Variants in ITGA8 observed in about 807,000 individuals in gnomAD.
ITGA8 encodes integrin subunit alpha 8.
ITGA8 carries 91 observed loss-of-function variants against 142.3 expected under a neutral mutation model. The observed-to-expected ratio is 0.64, with a 90% CI of 0.54 to 0.76. The LOEUF is 0.76. ITGA8 is among the 30% of genes least tolerant of loss of function. ITGA8 has a pLI of 0.00. For missense variants in ITGA8, 1,406 were observed against 1,327.7 expected (o/e 1.06, Z -0.92); for synonymous variants, 505 against 485.2 (o/e 1.04, Z -0.54).
chr10:15,532,431 A>AAGAAAAAAG (rs1833326110), intron 27 of ITGA8, among the ~76,000 whole-genome samples: 1 of 139,064 alleles, frequency 7.2e-6, no homozygotes, highest in Admixed American at 7.3e-5. Flanking sequence ...AAAAAAAAAA[A>AAGAAAAAAG]AAAAAAAAAA....
intron 27 of ITGA8, among the ~76,000 whole-genome samples, chr10:15,546,167 C>T (rs1238847033): frequency 6.6e-6 from 1 of 152,124 alleles, no homozygotes; most frequent in Non-Finnish European, 1.5e-5. Context: ...AGCCGCACTC[C>T]CTACTATTTA....
chr10:15,683,867 A>C, intron 4 of ITGA8, 137 bp downstream of exon 4: 1 of 931,502 alleles, frequency 1.1e-6, no homozygotes, highest in Non-Finnish European at 1.6e-6. Context: ...AGGCTGACAA[A>C]AATCTTTACC....
rs571380485 is a variant in ITGA8 at position 15,691,613 on chromosome 10, T to C, written c.344-3575A>G. ...AACAAGCCAGACACAAAACCACCGA[T>C]ATTGCATGATCTCCCTTATATGTGG... On this transcript the variant is annotated intron_variant, in intron 2 of 29. Transcript: ENST00000378076. 3.5e-4 allele frequency among the ~76,000 whole-genome samples: 53 copies of C among 152,256 alleles called. 1 individual carries two copies. In the South Asian group the frequency reaches 9.7e-3, roughly 28 times the overall value.
intron 23 of ITGA8, among the ~76,000 whole-genome samples, chr10:15,577,119 A>G (rs180974307): frequency 2.1e-4 from 32 of 152,180 alleles, no homozygotes; most frequent in Admixed American, 6.5e-4. Flanking sequence ...TTCACTATCC[A>G]TTGTCCATTG....
At chr10:15,517,267 T>G in intron 29 of ITGA8, 23 bp from the exon 30 acceptor site, 1 of 1,499,414 alleles carries the variant, frequency 6.7e-7, no homozygotes, top group Non-Finnish European at 9.2e-7. Flanking sequence ...AGATGGGCTA[T>G]AAAATCACGT....
At chr10:15,714,403 T>A (rs1411894314) in intron 2 of ITGA8, among the ~76,000 whole-genome samples, 1 of 152,218 alleles carries the variant, frequency 6.6e-6, no homozygotes, top group Non-Finnish European at 1.5e-5. Flanking sequence ...AAAGAGTTCC[T>A]GAGACAAAAG....
chr10:15,657,138 C>T (rs1342601450), intron 10 of ITGA8, among the ~76,000 whole-genome samples: 2 of 152,152 alleles, frequency 1.3e-5, no homozygotes, highest in Non-Finnish European at 2.9e-5. Flanking sequence ...TTATCACCTT[C>T]TGAGGTTCAG....
At chr10:15,685,905 C>T (rs1359528103) in intron 3 of ITGA8, among the ~76,000 whole-genome samples, 5 of 152,128 alleles carry the variant, frequency 3.3e-5, no homozygotes, top group Non-Finnish European at 7.4e-5. Context: ...GAGAAATCCT[C>T]GTCAAGTAAA....
At chr10:15,631,403 C>A (rs1372066831) in intron 13 of ITGA8, among the ~76,000 whole-genome samples, 2 of 151,950 alleles carry the variant, frequency 1.3e-5, no homozygotes, top group South Asian at 2.1e-4. Context: ...AGGATGAGTT[C>A]ATGTCCTTTG....
chr10:15,586,048 G>GTTTTTTTT (rs1564362665), intron 23 of ITGA8, among the ~76,000 whole-genome samples: 8 of 120,482 alleles, frequency 6.6e-5, no homozygotes, highest in African/African-American at 2.3e-4. Context: ...GGAATAAAGT[G>GTTTTTTTT]ATTTTTTTTT....
intron 13 of ITGA8, among the ~76,000 whole-genome samples, chr10:15,634,322 A>G (rs1833734386): frequency 6.6e-6 from 1 of 152,116 alleles, no homozygotes; most frequent in Non-Finnish European, 1.5e-5. Context: ...ACTAATATTT[A>G]GTGGCTGCTA....
intron 27 of ITGA8, among the ~76,000 whole-genome samples, chr10:15,543,735 A>G (rs1203886335): frequency 6.6e-6 from 1 of 152,174 alleles, no homozygotes; most frequent in Non-Finnish European, 1.5e-5. Context: ...TAGAGGGTTG[A>G]ATAATGTCTT....
At chr10:15,697,477 TG>T in intron 2 of ITGA8, among the ~76,000 whole-genome samples, 1 of 152,342 alleles carries the variant, frequency 6.6e-6, no homozygotes, top group Non-Finnish European at 1.5e-5. Flanking sequence ...TATGTGTTTC[TG>T]GCCATTTGAA....
At chr10:15,712,157 A>G (rs1455033404) in intron 2 of ITGA8, among the ~76,000 whole-genome samples, 1 of 152,264 alleles carries the variant, frequency 6.6e-6, no homozygotes, top group Non-Finnish European at 1.5e-5. Flanking sequence ...CTTTGTAAAC[A>G]TGTATTTAAG....
intron 13 of ITGA8, among the ~76,000 whole-genome samples, chr10:15,636,448 G>A (rs1166711767): frequency 8.5e-5 from 13 of 152,184 alleles, no homozygotes; most frequent in Admixed American, 8.5e-4. Context: ...GACAATATTT[G>A]TTGTAAAAAG....
intron 27 of ITGA8, among the ~76,000 whole-genome samples, chr10:15,539,402 A>G (rs1357556895): frequency 6.6e-6 from 1 of 152,192 alleles, no homozygotes. Context: ...GTCTAGATAA[A>G]TTATGTCAGC....
chr10:15,583,503 T>C (rs1025822630), intron 23 of ITGA8, among the ~76,000 whole-genome samples: 3 of 152,110 alleles, frequency 2.0e-5, no homozygotes, highest in Non-Finnish European at 4.4e-5. Flanking sequence ...CCCCAGAACT[T>C]AAAGTATAAT....
intron 25 of ITGA8, among the ~76,000 whole-genome samples, chr10:15,562,012 G>A (rs907959153): frequency 6.6e-6 from 1 of 152,160 alleles, no homozygotes; most frequent in Non-Finnish European, 1.5e-5. Flanking sequence ...CAAATCTCGT[G>A]AGAACTCACT....
rs1832836806 is a variant in ITGA8 at position 15,586,578 on chromosome 10, A to G, written c.2372+6T>C. On this transcript the variant is annotated splice_donor_region_variant and intron_variant, in intron 23 of 29. Coordinates refer to ENST00000378076, the MANE Select transcript of ITGA8 (RefSeq NM_003638.3). ...GATATTGTACTATGCATTGCTTACT[A>G]CTTACCCTCTTATTTCCACCTGCGC... 4 of 1,569,058 alleles carry G rather than the reference A, an allele frequency of 2.5e-6. No homozygotes were observed. The highest frequency in any genetic ancestry group is 2.7e-5 in the African/African-American group (2 of 73,950).
Sources: gnomAD v4.1 joint callset for allele counts (sites outside exome capture counted in the v4.1 genomes callset) on GRCh38, gnomAD v4.1.1 for gene constraint, MANE v1.5 for transcripts, NCBI Gene and HGNC (gene_info 2026-07-23, HGNC 2026-07-21) for gene names.